XKR9: variants seen among roughly 807,000 people sequenced by gnomAD.
XKR9 encodes the protein XK-related protein 9.
In XKR9, 32 loss-of-function variants were observed where a neutral mutation model predicts 32.0. The observed-to-expected ratio is 1.00, with a 90% CI of 0.76 to 1.34. The LOEUF is 1.34. XKR9 is among the 40% of genes most tolerant of loss of function. The probability of loss-of-function intolerance (pLI) is 0.00; values close to 1 mark genes in which losing one functional copy is unlikely to be tolerated. For missense variants in XKR9, 546 were observed against 429.7 expected, an observed-to-expected ratio of 1.27 and a Z score of -2.39; for synonymous variants, 168 against 143.4, an observed-to-expected ratio of 1.17 and a Z score of -1.22.
intron 2 of XKR9, 88 bp downstream of exon 2, chr8:70,674,987 A>T (rs1037535076): frequency 1.3e-5 from 2 of 152,228 alleles, no homozygotes; most frequent in African/African-American, 4.8e-5. Flanking sequence ...TTTATCTCAG[A>T]TAGTTGTACA....
the XKR9 span, among the ~76,000 whole-genome samples, chr8:70,878,481 CA>C: frequency 4.1e-5 from 6 of 148,136 alleles, no homozygotes; most frequent in African/African-American, 1.5e-4. Flanking sequence ...AAATGGAAAG[CA>C]AAAAAAAAGC....
intron 2 of XKR9, among the ~76,000 whole-genome samples, chr8:70,756,205 C>G (rs959066289): frequency 1.3e-5 from 2 of 152,190 alleles, no homozygotes; most frequent in Non-Finnish European, 2.9e-5. Flanking sequence ...TCTGGCCTCT[C>G]AATTCTGTTC....
chr8:70,964,861 A>G, the XKR9 span, among the ~76,000 whole-genome samples: 136,351 of 152,174 alleles, frequency 0.9, 61,297 homozygotes, highest in East Asian at 0.97. Context: ...GAGATGCTGC[A>G]GTTTTCCAGA....
the XKR9 span, among the ~76,000 whole-genome samples, chr8:70,967,242 A>G: frequency 6.6e-6 from 1 of 151,272 alleles, no homozygotes. Context: ...TTGTTTTTGT[A>G]TGTTTTTTAG....
intron 3 of XKR9, among the ~76,000 whole-genome samples, chr8:70,694,505 T>C (rs995951115): frequency 1.3e-5 from 2 of 152,302 alleles, no homozygotes; most frequent in South Asian, 2.1e-4. Flanking sequence ...TGGGATCAGG[T>C]ACCTGCTTAA....
chr8:70,923,439 T>A, the XKR9 span, among the ~76,000 whole-genome samples: 3 of 152,206 alleles, frequency 2.0e-5, no homozygotes, highest in Non-Finnish European at 4.4e-5. Context: ...TGAACCTTGA[T>A]GTTACTCTGG....
chr8:70,786,110 A>T (rs535240570), intron 2 of XKR9, among the ~76,000 whole-genome samples: 2 of 152,098 alleles, frequency 1.3e-5, no homozygotes, highest in East Asian at 3.9e-4. Context: ...ATTGATTTCT[A>T]TTTTTATAAC....
chr8:70,807,012 G>A, the XKR9 span, among the ~76,000 whole-genome samples: 2 of 152,168 alleles, frequency 1.3e-5, no homozygotes, highest in Admixed American at 1.3e-4. Context: ...AGGGCAGCCA[G>A]AGAGAAAGGT....
At chr8:71,045,831 C>G in the XKR9 span, among the ~76,000 whole-genome samples, 2 of 152,168 alleles carry the variant, frequency 1.3e-5, no homozygotes, top group African/African-American at 2.4e-5. Flanking sequence ...GCTTGAGAAG[C>G]TGAAGTGGCT....
the XKR9 span, among the ~76,000 whole-genome samples, chr8:70,850,399 G>A: frequency 2.0e-4 from 29 of 147,006 alleles, no homozygotes; most frequent in Non-Finnish European, 3.0e-4. Flanking sequence ...AGGAGGCAGA[G>A]CTTGCAGTGA....
chr8:70,968,901 G>T, the XKR9 span, among the ~76,000 whole-genome samples: 2 of 152,184 alleles, frequency 1.3e-5, no homozygotes, highest in African/African-American at 4.8e-5. Flanking sequence ...CTTTTGGGAG[G>T]TCTTACACAG....
chr8:70,886,992 T>A, the XKR9 span, among the ~76,000 whole-genome samples: 1 of 152,206 alleles, frequency 6.6e-6, no homozygotes, highest in African/African-American at 2.4e-5. Context: ...TCAGCTCTCT[T>A]ATTCTTACAG....
chr8:70,744,113 C>G (rs1807025159), intron 2 of XKR9, among the ~76,000 whole-genome samples: 1 of 151,932 alleles, frequency 6.6e-6, no homozygotes, highest in Non-Finnish European at 1.5e-5. Flanking sequence ...GAGTTCAAGA[C>G]CACTCTGGTC....
At chr8:70,706,857 C>A in intron 3 of XKR9, 76 bp from the exon 4 acceptor site, 1 of 1,116,666 alleles carries the variant, frequency 9.0e-7, no homozygotes, top group Middle Eastern at 2.6e-4. Context: ...TTCCTTTTTC[C>A]AAATTATTAT....
the XKR9 span, among the ~76,000 whole-genome samples, chr8:70,796,715 C>A: frequency 1.3e-5 from 2 of 152,270 alleles, no homozygotes; most frequent in East Asian, 3.9e-4. Context: ...ATACCAGCTT[C>A]ATTTTAAAAT....
At chr8:70,896,758 G>A in the XKR9 span, among the ~76,000 whole-genome samples, 1 of 151,784 alleles carries the variant, frequency 6.6e-6, no homozygotes, top group African/African-American at 2.4e-5. Flanking sequence ...TGGGCATATA[G>A]TAGGTATATA....
chr8:70,959,705 A>G, the XKR9 span, among the ~76,000 whole-genome samples: 2 of 152,220 alleles, frequency 1.3e-5, no homozygotes, highest in Non-Finnish European at 2.9e-5. Flanking sequence ...TTTGAGGAGC[A>G]TAGTTCTTAA....
chr8:70,928,536 C>A, the XKR9 span, among the ~76,000 whole-genome samples: 1 of 151,996 alleles, frequency 6.6e-6, no homozygotes, highest in South Asian at 2.1e-4. Flanking sequence ...TGACATTGAT[C>A]AAAATTTTAC....
chr8:70,860,499 A>C, the XKR9 span, among the ~76,000 whole-genome samples: 3 of 152,132 alleles, frequency 2.0e-5, no homozygotes, highest in African/African-American at 7.2e-5. Context: ...TTGTTATAGC[A>C]GCTGAAATAA....
Sources: gnomAD v4.1 joint callset for allele counts (sites outside exome capture counted in the v4.1 genomes callset) on GRCh38, gnomAD v4.1.1 for gene constraint, MANE v1.5 for transcripts, NCBI Gene and HGNC (gene_info 2026-07-23, HGNC 2026-07-21) for gene names.